The following SRBD1 variants were observed in gnomAD, a reference collection of about 807,000 sequenced individuals.
SRBD1 encodes the protein S1 RNA binding domain 1.
In SRBD1, 88 loss-of-function variants were observed where a neutral mutation model predicts 115.3. That is an observed-to-expected ratio of 0.76 (90% CI 0.64 to 0.91). The LOEUF (loss-of-function observed/expected upper bound fraction) is 0.91. Among genes scored for constraint, SRBD1 ranks in the 40% least tolerant of loss-of-function variants. The pLI is 0.00. For missense variants in SRBD1, 1,385 were observed against 1,177.4 expected, an observed-to-expected ratio of 1.18 and a Z score of -2.58; for synonymous variants, 509 against 407.7, an observed-to-expected ratio of 1.25 and a Z score of -2.99.
Position 45,551,191 on chromosome 2 carries a change from G to C in SRBD1, c.1609C>G (p.Arg537Gly). 6.2e-7 allele frequency: 1 copy of C among 1,612,746 alleles called. No individual in the cohort carries two copies. Among genetic ancestry groups the C allele is most frequent in the South Asian group, 1.1e-5 (1 of 90,676 alleles). ...CCAGGATCCACTCCCATTAAGGTGC[G>C]CCCTGGAACAGGGCTTGTTAAAAGG... Reference protein sequence around the residue: ...QLLLTSPVPGRTLMGVDPGYK... With the variant: ...QLLLTSPVPGGTLMGVDPGYK... The change falls in exon 12 of 21, where the codon CGC (arginine) becomes GGC (glycine). Residue 537 changes from arginine to glycine, a missense_variant. Physicochemically the swap from Arg to Gly is moderately radical, Grantham distance 125 (BLOSUM62 -2). Transcript: ENST00000263736.
intron 16 of SRBD1, among the ~76,000 whole-genome samples, chr2:45,431,914 T>G (rs1459727346): frequency 1.3e-5 from 2 of 152,224 alleles, no homozygotes; most frequent in Admixed American, 1.3e-4. Context: ...GAAACTTCTG[T>G]AAACGCTGCC....
chr2:45,442,877 C>A (rs1668712615), intron 16 of SRBD1, among the ~76,000 whole-genome samples: 1 of 152,150 alleles, frequency 6.6e-6, no homozygotes, highest in South Asian at 2.1e-4. Flanking sequence ...AACAAAATTT[C>A]TTTCCTTCTC....
At chr2:45,564,868 A>C (rs1672778745) in intron 9 of SRBD1, among the ~76,000 whole-genome samples, 1 of 152,194 alleles carries the variant, frequency 6.6e-6, no homozygotes, top group African/African-American at 2.4e-5. Context: ...CAACTCTGGG[A>C]CTTGCATATA....
intron 18 of SRBD1, among the ~76,000 whole-genome samples, chr2:45,417,614 C>G (rs567689200): frequency 6.6e-6 from 1 of 152,144 alleles, no homozygotes; most frequent in Non-Finnish European, 1.5e-5. Context: ...GTAGCAGATA[C>G]GTAAATGTTC....
chr2:45,406,181 G>T (rs1413529147), intron 19 of SRBD1, among the ~76,000 whole-genome samples: 2 of 152,132 alleles, frequency 1.3e-5, no homozygotes. Context: ...GGAGTCCTCA[G>T]CAGCAACCTG....
At chr2:45,596,445 G>A (rs1029592395) in intron 4 of SRBD1, among the ~76,000 whole-genome samples, 4 of 152,192 alleles carry the variant, frequency 2.6e-5, no homozygotes, top group African/African-American at 9.6e-5. Flanking sequence ...TCAAAGCTCT[G>A]AAATCACCTT....
intron 16 of SRBD1, among the ~76,000 whole-genome samples, chr2:45,470,006 T>C (rs763994046): frequency 1.5e-4 from 23 of 152,210 alleles, no homozygotes; most frequent in Non-Finnish European, 3.4e-4. Flanking sequence ...AATACTGCTT[T>C]TGTGTATGGG....
chr2:45,437,598 C>A (rs1668538775), intron 16 of SRBD1, among the ~76,000 whole-genome samples: 1 of 152,156 alleles, frequency 6.6e-6, no homozygotes, highest in African/African-American at 2.4e-5. Flanking sequence ...CATGGTGGTA[C>A]ATGTTGATAT....
At chr2:45,434,068 A>G (rs1279110593) in intron 16 of SRBD1, among the ~76,000 whole-genome samples, 1 of 152,212 alleles carries the variant, frequency 6.6e-6, no homozygotes, top group Non-Finnish European at 1.5e-5. Context: ...TCCTCCTCTG[A>G]TAAAGCATAT....
chr2:45,475,134 G>A (rs897164399), intron 16 of SRBD1, among the ~76,000 whole-genome samples: 11 of 151,974 alleles, frequency 7.2e-5, no homozygotes, highest in Non-Finnish European at 5.9e-5. Context: ...CTGAATTACT[G>A]ATCTTAACCC....
chr2:45,487,633 G>T (rs536182708), intron 15 of SRBD1, among the ~76,000 whole-genome samples: 1 of 151,798 alleles, frequency 6.6e-6, no homozygotes, highest in Admixed American at 6.6e-5. Flanking sequence ...AAGATCTTAG[G>T]ATCTTTTATT....
chr2:45,580,788 C>G (rs763541052), intron 6 of SRBD1, among the ~76,000 whole-genome samples: 41 of 146,032 alleles, frequency 2.8e-4, no homozygotes, highest in Admixed American at 8.5e-4. Flanking sequence ...CGGGTTCAAG[C>G]AATTCTCCGC....
At chr2:45,547,667 A>T in intron 12 of SRBD1, 55 bp from the exon 13 acceptor site, 1 of 1,455,732 alleles carries the variant, frequency 6.9e-7, no homozygotes, top group Non-Finnish European at 9.4e-7. Flanking sequence ...AGTGAAACAC[A>T]TGAATGATTT....
rs551973030 is a variant in SRBD1, at chr2:45,391,338, T to C, written c.2698+1607A>G. 3.3e-5 allele frequency among the ~76,000 whole-genome samples: 5 copies of C among 152,282 alleles called. No homozygotes were observed. The East Asian group carries it at 9.6e-4, about 29-fold the overall frequency. On this transcript the variant is annotated intron_variant, in intron 20 of 20. Coordinates refer to ENST00000263736, the MANE Select transcript of SRBD1 (RefSeq NM_018079.5). Reference sequence around the variant, plus strand: ...AATTAACTAGTCACCATAGTGTTAATACACATGAAATTAATTACACCATTG... The same window carrying C: ...AATTAACTAGTCACCATAGTGTTAACACACATGAAATTAATTACACCATTG...
chr2:45,480,024 A>G (rs1188620337), intron 15 of SRBD1, among the ~76,000 whole-genome samples: 1 of 152,186 alleles, frequency 6.6e-6, no homozygotes, highest in Non-Finnish European at 1.5e-5. Context: ...ACGATGGCAC[A>G]TATGTTTATA....
chr2:45,529,799 T>A (rs548208159), intron 14 of SRBD1, among the ~76,000 whole-genome samples: 40 of 152,100 alleles, frequency 2.6e-4, no homozygotes, highest in African/African-American at 8.9e-4. Flanking sequence ...AAGGAAATCA[T>A]TAAATGCTAG....
intron 14 of SRBD1, among the ~76,000 whole-genome samples, chr2:45,527,115 G>A (rs957737460): frequency 2.0e-5 from 3 of 151,762 alleles, no homozygotes; most frequent in African/African-American, 7.3e-5. Context: ...TTATGGGAGT[G>A]CCTTATTCAC....
chr2:45,429,214 G>A (rs72880631), intron 16 of SRBD1, among the ~76,000 whole-genome samples: 14,404 of 152,088 alleles, frequency 0.095, 709 homozygotes, highest in South Asian at 0.15. Flanking sequence ...TTCCACCAGA[G>A]GTACAAAGAG....
chr2:45,574,919 C>T (rs1227618454), intron 7 of SRBD1, among the ~76,000 whole-genome samples, 196 bp from the exon 8 acceptor site: 1 of 152,134 alleles, frequency 6.6e-6, no homozygotes, highest in Non-Finnish European at 1.5e-5. Context: ...ATAATACAGA[C>T]ATAATACATA....
Sources: allele counts gnomAD v4.1 joint callset (sites outside exome capture counted in the v4.1 genomes callset), GRCh38; gene constraint gnomAD v4.1.1; transcripts MANE v1.5; gene names NCBI Gene and HGNC (gene_info 2026-07-23, HGNC 2026-07-21).